KDM5B: variants seen among roughly 807,000 people sequenced by gnomAD.
The protein encoded by KDM5B is lysine-specific demethylase 5B.
Under a neutral mutation model 193.4 loss-of-function variants are expected in KDM5B, and 144 were observed. The observed-to-expected ratio is 0.74, with a 90% CI of 0.65 to 0.86. The LOEUF (loss-of-function observed/expected upper bound fraction) is 0.86, where lower values mean the gene tolerates loss of function less well. Ranked by LOEUF, KDM5B falls within the 40% of genes least tolerant of loss-of-function variation. The pLI, the probability that KDM5B is intolerant of heterozygous loss-of-function variation, is 0.00. For missense variants in KDM5B, 1,833 were observed against 1,886.9 expected, an observed-to-expected ratio of 0.97 and a Z score of 0.53; for synonymous variants, 668 against 682.6, an observed-to-expected ratio of 0.98 and a Z score of 0.33.
chr1:202,734,890 T>TTGTGCCA (rs1655038195), intron 22 of KDM5B, among the ~76,000 whole-genome samples: 2 of 152,216 alleles, frequency 1.3e-5, no homozygotes, highest in African/African-American at 4.8e-5. Context: ...GGGCAATGCT[T>TTGTGCCA]TGTGCCATTA....
At chr1:202,748,719 T>TA (rs1287353449) in intron 14 of KDM5B, among the ~76,000 whole-genome samples, 1 of 151,940 alleles carries the variant, frequency 6.6e-6, no homozygotes, top group Non-Finnish European at 1.5e-5. Flanking sequence ...ACATTTTTTT[T>TA]AAAGGGGCAA....
At chr1:202,747,546 C>G (rs1468210904) in intron 14 of KDM5B, among the ~76,000 whole-genome samples, 2 of 144,814 alleles carry the variant, frequency 1.4e-5, no homozygotes, top group Admixed American at 1.4e-4. Flanking sequence ...TTCCAGGATT[C>G]TACCCAAAAA....
chr1:202,807,447 C>T (rs1326276197), intron 1 of KDM5B: 1 of 151,354 alleles, frequency 6.6e-6, no homozygotes, highest in Non-Finnish European at 1.5e-5. Flanking sequence ...CCAGCCAGCG[C>T]TGGCCGCCCC....
chr1:202,744,369 C>T (rs956115673), intron 16 of KDM5B, among the ~76,000 whole-genome samples: 11 of 152,172 alleles, frequency 7.2e-5, no homozygotes, highest in African/African-American at 2.7e-4. Flanking sequence ...GCCAGCCTGA[C>T]TAACATGGTG....
chr1:202,788,749 C>T (rs1657517133), intron 1 of KDM5B, among the ~76,000 whole-genome samples: 1 of 152,170 alleles, frequency 6.6e-6, no homozygotes, highest in Admixed American at 6.5e-5. Context: ...ATGCCTATAT[C>T]AAGCCATGCT....
intron 10 of KDM5B, among the ~76,000 whole-genome samples, chr1:202,755,779 A>G (rs1558494741): frequency 1.3e-5 from 2 of 152,160 alleles, no homozygotes; most frequent in African/African-American, 2.4e-5. Flanking sequence ...TCCTGAGGGC[A>G]TAGTGCTCGT....
At position 202,767,078 on chromosome 1, in the gene KDM5B, A is replaced by G. The variant is rs1454673472; in HGVS notation, c.577-18T>C. On this transcript the variant is annotated intron_variant, in intron 4 of 26. Coordinates refer to ENST00000367265, the MANE Select transcript of KDM5B (RefSeq NM_006618.5). Reference sequence around the variant, plus strand: ...TGCAAACACTAGAAATAACAACTGTACTGATAAATTCCCTCCTTTTTTTTT... The same window carrying G: ...TGCAAACACTAGAAATAACAACTGTGCTGATAAATTCCCTCCTTTTTTTTT... 2.5e-6 allele frequency: 4 copies of G among 1,606,580 alleles called. No homozygotes were observed. Among genetic ancestry groups the G allele is most frequent in the Non-Finnish European group, 3.4e-6 (4 of 1,178,404 alleles).
intron 20 of KDM5B, among the ~76,000 whole-genome samples, chr1:202,739,375 C>T (rs1451619619): frequency 2.0e-5 from 3 of 151,742 alleles, no homozygotes; most frequent in South Asian, 2.1e-4. Flanking sequence ...TCTGGTCAAC[C>T]CCTAAAATAC....
intron 1 of KDM5B, among the ~76,000 whole-genome samples, chr1:202,781,877 G>GTTA (rs980751403): frequency 1.8e-4 from 28 of 152,158 alleles, no homozygotes; most frequent in Admixed American, 1.6e-3. Context: ...GATATATAAT[G>GTTA]TTATTCCCTG....
In KDM5B at chr1:202,729,711, TCTC is replaced by T; in HGVS notation, c.4490_4492del (p.Gly1497del). 1 of 1,612,596 alleles carries T rather than the reference TCTC, an allele frequency of 6.2e-7. No homozygotes were observed. The highest frequency in any genetic ancestry group is 8.5e-7 in the Non-Finnish European group (1 of 1,179,078). On this transcript the variant is annotated inframe_deletion, in exon 26 of 27. Transcript: ENST00000367265. ...TATGGCCCAAACCTCACTGACCTCA[TCTC>T]CTTCTGGCTGCAGGCAGCTCACAGC...
chr1:202,799,694 C>A (rs1022812087), intron 1 of KDM5B, among the ~76,000 whole-genome samples: 8 of 151,062 alleles, frequency 5.3e-5, no homozygotes, highest in African/African-American at 1.9e-4. Context: ...AAGAAAAAAA[C>A]GTGATAAATA....
chr1:202,807,502 G>A (rs1285082086), intron 1 of KDM5B, among the ~76,000 whole-genome samples: 1 of 151,824 alleles, frequency 6.6e-6, no homozygotes, highest in Non-Finnish European at 1.5e-5. Flanking sequence ...CCGGGGACCA[G>A]GCGGTGGAGG....
At chr1:202,759,985 C>T (rs527687098) in intron 8 of KDM5B, among the ~76,000 whole-genome samples, 1 of 152,194 alleles carries the variant, frequency 6.6e-6, no homozygotes, top group African/African-American at 2.4e-5. Context: ...CAGTTTTCTT[C>T]ATGGGCCTCA....
At chr1:202,774,532 G>A (rs1033187511) in intron 3 of KDM5B, 81 bp downstream of exon 3, 1 of 1,374,084 alleles carries the variant, frequency 7.3e-7, no homozygotes, top group African/African-American at 1.4e-5. Flanking sequence ...TGAGCAATAA[G>A]TTCCTTTTTA....
intron 1 of KDM5B, among the ~76,000 whole-genome samples, chr1:202,799,657 CAAA>C (rs35801525): frequency 7.2e-6 from 1 of 139,074 alleles, no homozygotes; most frequent in Non-Finnish European, 1.5e-5. Flanking sequence ...AACTCCATCT[CAAA>C]AAAAAAAAAA....
intron 11 of KDM5B, among the ~76,000 whole-genome samples, chr1:202,753,667 T>G (rs71635592): frequency 0.16 from 19,670 of 121,468 alleles, 2,358 homozygotes; most frequent in Middle Eastern, 0.29. Flanking sequence ...TGTTGTTGTT[T>G]TTTTTTTGTT....
intron 1 of KDM5B, among the ~76,000 whole-genome samples, chr1:202,802,194 CAGAAACCTAATT>C (rs1280273499): frequency 1.3e-5 from 2 of 152,126 alleles, no homozygotes; most frequent in African/African-American, 4.8e-5. Context: ...CCCTGAACAC[CAGAAACCTAATT>C]AGCACTTTCA....
In KDM5B at chr1:202,746,488, A is replaced by C. The variant is rs570952948; in HGVS notation, c.2017-165T>G. The C allele has an allele frequency of 2.3e-5, 12 of 520,058 alleles. No individual in the cohort carries two copies. In the South Asian group the frequency reaches 4.4e-4, roughly 19 times the overall value. 32.2% of individuals were successfully genotyped at this position (520,058 alleles called of 1,614,324 possible). A position where few individuals can be genotyped will look rare whatever the true frequency, so the allele number is the denominator to read the frequency against. ...CATACAAAGAAACAAATGACCTAGC[A>C]AATACAGGCAAGTTCATTTGTCTAG... On this transcript the variant is annotated intron_variant, in intron 14 of 26. Coordinates refer to ENST00000367265, the MANE Select transcript of KDM5B (RefSeq NM_006618.5).
At chr1:202,807,810 T>TCCGGAA (rs1455691168) in intron 1 of KDM5B, among the ~76,000 whole-genome samples, 2 of 150,990 alleles carry the variant, frequency 1.3e-5, no homozygotes, top group African/African-American at 4.9e-5. Context: ...CATCACTCCA[T>TCCGGAA]CCGGAACCGA....
Sources: allele counts gnomAD v4.1 joint callset (sites outside exome capture counted in the v4.1 genomes callset), GRCh38; gene constraint gnomAD v4.1.1; transcripts MANE v1.5; gene names NCBI Gene and HGNC (gene_info 2026-07-23, HGNC 2026-07-21).